The following LRRFIP2 variants were observed in gnomAD, a reference collection of about 807,000 sequenced individuals.
LRRFIP2 encodes LRR binding FLII interacting protein 2.
A neutral mutation model predicts 125.9 loss-of-function variants in LRRFIP2; 109 were observed. The observed-to-expected ratio is 0.87, with a 90% CI of 0.74 to 1.01. The LOEUF (loss-of-function observed/expected upper bound fraction) is 1.01, where lower values mean the gene tolerates loss of function less well. Ranked by LOEUF, LRRFIP2 falls within the 50% of genes least tolerant of loss-of-function variation. The pLI, the probability that LRRFIP2 is intolerant of heterozygous loss-of-function variation, is 0.00. For synonymous variants in LRRFIP2, 291 were observed against 293.1 expected, an observed-to-expected ratio of 0.99 and a Z score of 0.07; for missense variants, 850 against 862.3, an observed-to-expected ratio of 0.99 and a Z score of 0.18.
At chr3:37,112,818 G>C (rs2094599363) in intron 8 of LRRFIP2, 97 bp downstream of exon 8, 2 of 621,450 alleles carry the variant, frequency 3.2e-6, no homozygotes, top group East Asian at 5.5e-5. Context: ...AGATTATCAA[G>C]TTTCAATAAT....
chr3:37,094,910 T>C lies in LRRFIP2; in HGVS notation c.919-2A>G, dbSNP rs1205521341. Reference sequence around the variant, plus strand: ...TGAGGCAGAATTTCGAGATGAAGGCTAGAAAGAGAAATATGACCCTTCTAA... The same window carrying C: ...TGAGGCAGAATTTCGAGATGAAGGCCAGAAAGAGAAATATGACCCTTCTAA... On this transcript the variant is annotated splice_acceptor_variant, in intron 16 of 27. Transcript: ENST00000336686. LOFTEE classifies it high-confidence loss of function. The C allele has an allele frequency of 3.2e-6, 5 of 1,568,550 alleles. No individual in the cohort carries two copies. Among genetic ancestry groups the C allele is most frequent in the Non-Finnish European group, 4.4e-6 (5 of 1,138,656 alleles).
chr3:37,126,008 GTTT>G (rs372835769), intron 4 of LRRFIP2, among the ~76,000 whole-genome samples: 2,538 of 131,638 alleles, frequency 0.019, 74 homozygotes, highest in African/African-American at 0.061. Context: ...CAAAGAATCA[GTTT>G]TTTTGTTGTT....
intron 18 of LRRFIP2, among the ~76,000 whole-genome samples, chr3:37,086,207 C>A (rs1383023865): frequency 6.6e-6 from 1 of 152,132 alleles, no homozygotes; most frequent in Non-Finnish European, 1.5e-5. Flanking sequence ...AATCTATAAT[C>A]AAAAATACAG....
intron 13 of LRRFIP2, among the ~76,000 whole-genome samples, chr3:37,105,907 A>T (rs564071499): frequency 1.3e-5 from 2 of 152,330 alleles, no homozygotes; most frequent in Admixed American, 1.3e-4. Context: ...TCTACTAAAA[A>T]TACAAAAATT....
intron 1 of LRRFIP2, among the ~76,000 whole-genome samples, chr3:37,167,197 C>CAA (rs570958652): frequency 4.5e-4 from 23 of 50,908 alleles, no homozygotes; most frequent in African/African-American, 1.1e-3. Context: ...ATCTTGTCTC[C>CAA]AAAAAAAAAA....
In LRRFIP2 at chr3:37,148,994, T is replaced by TTA; in HGVS notation, c.-12_-11insTA. ...AGCAGGAGTCCCCATCTTGTGTTCTTAATAGTCTTTTAACTTTGAAAGTGA... is the reference window on the plus strand; with the variant it reads ...AGCAGGAGTCCCCATCTTGTGTTCTTTAAATAGTCTTTTAACTTTGAAAGTGA... On this transcript the variant is annotated 5_prime_UTR_variant, in exon 2 of 28. Coordinates refer to ENST00000336686, the MANE Select transcript of LRRFIP2 (RefSeq NM_006309.4). The TTA allele has an allele frequency of 6.2e-7, 1 of 1,613,648 alleles. No homozygotes were observed. The highest frequency in any genetic ancestry group is 8.5e-7 in the Non-Finnish European group (1 of 1,179,826).
At chr3:37,100,361 C>CACATACATACATACATGTAT (rs1324139665) in intron 15 of LRRFIP2, among the ~76,000 whole-genome samples, 1 of 144,922 alleles carries the variant, frequency 6.9e-6, no homozygotes, top group East Asian at 1.9e-4. Context: ...TATATATATA[C>CACATACATACATACATGTAT]ACATACATAC....
intron 15 of LRRFIP2, among the ~76,000 whole-genome samples, chr3:37,099,087 A>G (rs142712219): frequency 1.3e-5 from 2 of 152,292 alleles, no homozygotes; most frequent in Non-Finnish European, 2.9e-5. Context: ...AGAGATCCCA[A>G]TTGTCGCAAC....
intron 1 of LRRFIP2, among the ~76,000 whole-genome samples, chr3:37,152,045 CAA>C (rs2096046623): frequency 6.6e-6 from 1 of 152,038 alleles, no homozygotes; most frequent in South Asian, 2.1e-4. Context: ...TTCACAATTG[CAA>C]AGATACGGAA....
intron 4 of LRRFIP2, among the ~76,000 whole-genome samples, chr3:37,123,395 G>A (rs943095575): frequency 6.6e-6 from 1 of 152,130 alleles, no homozygotes; most frequent in Admixed American, 6.6e-5. Flanking sequence ...CGCCATGTTG[G>A]CCAGGCTGGT....
intron 18 of LRRFIP2, among the ~76,000 whole-genome samples, chr3:37,084,432 G>C (rs988154227): frequency 6.6e-6 from 1 of 152,042 alleles, no homozygotes; most frequent in South Asian, 2.1e-4. Flanking sequence ...GGAGGCCAAG[G>C]GGGTAGACTG....
chr3:37,071,246 A>C (rs548460974), intron 21 of LRRFIP2, among the ~76,000 whole-genome samples: 28 of 152,344 alleles, frequency 1.8e-4, no homozygotes, highest in African/African-American at 6.7e-4. Flanking sequence ...AAGAAAGGGT[A>C]TCACTCTATT....
intron 1 of LRRFIP2, among the ~76,000 whole-genome samples, chr3:37,165,471 C>G (rs1486455960): frequency 6.9e-6 from 1 of 144,354 alleles, no homozygotes; most frequent in Non-Finnish European, 1.5e-5. Flanking sequence ...AAAGTTAACT[C>G]AGGGGTCAGG....
chr3:37,117,958 T>C (rs1216516432), intron 6 of LRRFIP2, among the ~76,000 whole-genome samples: 1 of 152,198 alleles, frequency 6.6e-6, no homozygotes, highest in East Asian at 1.9e-4. Context: ...AAATTGTAAG[T>C]ATATTTTAAA....
At chr3:37,096,689 A>G in intron 15 of LRRFIP2, 29 bp from the exon 16 acceptor site, 2 of 1,406,560 alleles carry the variant, frequency 1.4e-6, no homozygotes, top group Non-Finnish European at 9.8e-7. Context: ...AAAAATCAGT[A>G]AAGATGCTTA....
At chr3:37,167,306 C>T (rs181387052) in intron 1 of LRRFIP2, among the ~76,000 whole-genome samples, 33 of 151,992 alleles carry the variant, frequency 2.2e-4, no homozygotes, top group African/African-American at 7.2e-4. Context: ...GAAATACCAC[C>T]CTATTAGAGA....
intron 2 of LRRFIP2, among the ~76,000 whole-genome samples, chr3:37,146,464 C>T (rs1439275451): frequency 6.6e-6 from 1 of 152,152 alleles, no homozygotes; most frequent in East Asian, 1.9e-4. Context: ...TCCCTCACCC[C>T]ACTGTGCTCC....
chr3:37,056,396 T>C (rs561841639), intron 25 of LRRFIP2, among the ~76,000 whole-genome samples: 2 of 152,200 alleles, frequency 1.3e-5, no homozygotes, highest in Admixed American at 1.3e-4. Flanking sequence ...TAAGAACTTT[T>C]CTACATTTCC....
At position 37,053,813 on chromosome 3, in the gene LRRFIP2, G is replaced by T; in HGVS notation, c.*38C>A. The T allele has an allele frequency of 7.3e-7, 1 of 1,374,592 alleles. No individual in the cohort carries two copies. Among genetic ancestry groups the T allele is most frequent in the African/African-American group, 1.4e-5 (1 of 70,226 alleles). The allele number at this position is 1,374,592 out of a possible 1,614,324, so 85.1% of individuals were successfully genotyped here. A position where few individuals can be genotyped will look rare whatever the true frequency, so the allele number is the denominator to read the frequency against. ...ACAAAAGTCAGTCCCTCTAGGTAGG[G>T]CCCCAAGGAGCATCACCCAGGTTGA... On this transcript the variant is annotated 3_prime_UTR_variant, in exon 28 of 28. Transcript: ENST00000336686.
Sources: gnomAD v4.1 joint callset for allele counts (sites outside exome capture counted in the v4.1 genomes callset) on GRCh38, gnomAD v4.1.1 for gene constraint, MANE v1.5 for transcripts, NCBI Gene and HGNC (gene_info 2026-07-23, HGNC 2026-07-21) for gene names.